TANK: variants seen among roughly 807,000 people sequenced by gnomAD.
TANK encodes the protein TRAF family member-associated NF-kappa-B activator.
TANK carries 15 observed loss-of-function variants against 43.6 expected under a neutral mutation model. The observed-to-expected ratio is 0.34, with a 90% CI of 0.23 to 0.53. The LOEUF (loss-of-function observed/expected upper bound fraction) is 0.53, where lower values mean the gene tolerates loss of function less well. TANK is among the 20% of genes least tolerant of loss of function. TANK has a pLI of 0.94. For missense variants in TANK, 417 were observed against 498.6 expected (o/e 0.84, Z 1.56); for synonymous variants, 162 against 178.2 (o/e 0.91, Z 0.73).
At chr2:161,149,677 G>A (rs1684016374) in intron 1 of TANK, among the ~76,000 whole-genome samples, 1 of 151,160 alleles carries the variant, frequency 6.6e-6, no homozygotes, top group Non-Finnish European at 1.5e-5. Context: ...CTAGTTTTCT[G>A]AGGAATCATG....
chr2:161,195,738 A>G (rs1241865852), intron 2 of TANK, among the ~76,000 whole-genome samples: 1 of 152,176 alleles, frequency 6.6e-6, no homozygotes, highest in East Asian at 1.9e-4. Context: ...GCAGCAGTCC[A>G]TTAAGGATGT....
At chr2:161,156,546 A>C (rs778763238), upstream of TANK, among the ~76,000 whole-genome samples, 2 of 152,246 alleles carry the variant, frequency 1.3e-5, no homozygotes, top group African/African-American at 2.4e-5. Flanking sequence ...TTCAGACAGC[A>C]TAATCTTTTC....
intron 4 of TANK, among the ~76,000 whole-genome samples, chr2:161,219,336 T>G (rs963604550): frequency 2.0e-5 from 3 of 152,124 alleles, no homozygotes; most frequent in Non-Finnish European, 4.4e-5. Context: ...TAATTTTATT[T>G]TTATATTGTT....
intron 1 of TANK, chr2:161,161,034 C>T (rs2105247566): frequency 1.8e-6 from 1 of 545,698 alleles, no homozygotes; most frequent in East Asian, 3.4e-5. Context: ...CAGAGGGTCA[C>T]GGAGGGAGTG....
At chr2:161,186,010 T>C (rs1293458482) in intron 2 of TANK, among the ~76,000 whole-genome samples, 1 of 152,068 alleles carries the variant, frequency 6.6e-6, no homozygotes, top group Non-Finnish European at 1.5e-5. Context: ...AAGCCAAAAT[T>C]ATGAACAAAA....
At chr2:161,160,419 G>T (rs1684359603), upstream of TANK, 3 of 1,241,132 alleles carry the variant, frequency 2.4e-6, no homozygotes, top group Non-Finnish European at 3.0e-6. Context: ...GCAACTTCCG[G>T]TTGGAGTCAC....
intron 1 of TANK, among the ~76,000 whole-genome samples, chr2:161,149,988 G>C (rs1356998964): frequency 6.6e-6 from 1 of 152,038 alleles, no homozygotes. Context: ...TAAAGTCAAG[G>C]CTAGCCCCAT....
chr2:161,184,476 A>G (rs1449339306), intron 2 of TANK, among the ~76,000 whole-genome samples: 6 of 152,202 alleles, frequency 3.9e-5, no homozygotes, highest in Admixed American at 1.3e-4. Context: ...ATCTATTAAT[A>G]TACATACTAA....
chr2:161,200,513 C>T, intron 2 of TANK: 1 of 982,692 alleles, frequency 1.0e-6, no homozygotes, highest in Non-Finnish European at 1.2e-6. Flanking sequence ...TTGGTCTTTC[C>T]CTCTCATAGT....
chr2:161,191,348 C>T (rs1351383158), intron 2 of TANK, among the ~76,000 whole-genome samples: 1 of 152,152 alleles, frequency 6.6e-6, no homozygotes, highest in African/African-American at 2.4e-5. Context: ...CCCTCACTCC[C>T]CAGGGCTATC....
At chr2:161,144,907 TCC>T (rs1683860164) in intron 1 of TANK, among the ~76,000 whole-genome samples, 1 of 152,104 alleles carries the variant, frequency 6.6e-6, no homozygotes, top group African/African-American at 2.4e-5. Context: ...TGTTAAAGTC[TCC>T]CACTATTATT....
At chr2:161,205,939 A>G (rs1253622588) in intron 4 of TANK, among the ~76,000 whole-genome samples, 2 of 152,142 alleles carry the variant, frequency 1.3e-5, no homozygotes, top group African/African-American at 4.8e-5. Context: ...ATGCGTGGCT[A>G]ATTAGGATAC....
chr2:161,174,081 T>G (rs1167025658), intron 1 of TANK, among the ~76,000 whole-genome samples: 2 of 152,098 alleles, frequency 1.3e-5, no homozygotes, highest in Admixed American at 1.3e-4. Flanking sequence ...AAATAACATA[T>G]CTTATATATA....
chr2:161,145,937 TC>T (rs1573941926), intron 1 of TANK, among the ~76,000 whole-genome samples: 3 of 152,302 alleles, frequency 2.0e-5, no homozygotes, highest in African/African-American at 7.2e-5. Flanking sequence ...GGTTCCATTC[TC>T]CCTGTCTTTT....
chr2:161,222,073 C>G (rs1246689927), intron 4 of TANK, among the ~76,000 whole-genome samples: 3 of 151,966 alleles, frequency 2.0e-5, no homozygotes, highest in African/African-American at 7.2e-5. Context: ...CATTTTTTTC[C>G]TATCTTTTCC....
chr2:161,213,791 G>A (rs952195271), intron 4 of TANK, among the ~76,000 whole-genome samples: 3 of 151,268 alleles, frequency 2.0e-5, no homozygotes, highest in African/African-American at 7.3e-5. Context: ...CTTTTTTAGC[G>A]ATTGTGGATA....
chr2:161,213,237 G>T (rs1319079377), intron 4 of TANK, among the ~76,000 whole-genome samples: 1 of 152,066 alleles, frequency 6.6e-6, no homozygotes, highest in Non-Finnish European at 1.5e-5. Flanking sequence ...AGTTGGAGGC[G>T]ACAAGTATCC....
At chr2:161,169,367 G>A (rs930758032) in intron 1 of TANK, among the ~76,000 whole-genome samples, 4 of 152,208 alleles carry the variant, frequency 2.6e-5, no homozygotes, top group Admixed American at 2.6e-4. Context: ...AGTATCCATG[G>A]TATTGTTCAA....
At chr2:161,201,359 T>C in intron 2 of TANK, 2 of 788,770 alleles carry the variant, frequency 2.5e-6, no homozygotes, top group Non-Finnish European at 3.1e-6. Context: ...GAATAGAAGA[T>C]AAAAATTAAC....
Sources: allele counts gnomAD v4.1 joint callset (sites outside exome capture counted in the v4.1 genomes callset), GRCh38; gene constraint gnomAD v4.1.1; transcripts MANE v1.5; gene names NCBI Gene and HGNC (gene_info 2026-07-23, HGNC 2026-07-21).